The following ARHGAP28 variants were observed in gnomAD, a reference collection of about 807,000 sequenced individuals.
ARHGAP28 encodes the protein rho GTPase-activating protein 28.
A neutral mutation model predicts 90.7 loss-of-function variants in ARHGAP28; 56 were observed. The observed-to-expected ratio is 0.62, with a 90% CI of 0.50 to 0.77. The LOEUF (loss-of-function observed/expected upper bound fraction) is 0.77. Ranked by LOEUF, ARHGAP28 falls within the 30% of genes least tolerant of loss-of-function variation. The probability of loss-of-function intolerance (pLI) is 0.00; values close to 1 mark genes in which losing one functional copy is unlikely to be tolerated. For missense variants in ARHGAP28, 869 were observed against 900.9 expected (o/e 0.96, Z 0.45); for synonymous variants, 308 against 323.3 (o/e 0.95, Z 0.51).
Position 6,729,735 on chromosome 18 carries a change from CCAGCTGCTGA to C in ARHGAP28, c.-82_-73del. ...CTGGTCGCACCTCGGGCCGCGCCGC[CCAGCTGCTGA>C]CAGCCTCCCGGCGCGCCGGTCCATG... is the stretch of plus-strand genomic sequence containing the variant. On this transcript the variant is annotated 5_prime_UTR_variant, in exon 1 of 18. Coordinates refer to ENST00000383472, the MANE Select transcript of ARHGAP28 (RefSeq NM_001366230.1). The C allele has an allele frequency of 4.7e-6, 6 of 1,269,250 alleles. No homozygotes were observed. The highest frequency in any genetic ancestry group is 6.0e-6 in the Non-Finnish European group (6 of 1,004,094). The allele number at this position is 1,269,250 out of a possible 1,614,324, so 78.6% of individuals were successfully genotyped here.
In ARHGAP28 at chr18:6,868,193, G is replaced by T. The variant is rs775419249; in HGVS notation, c.770G>T (p.Gly257Val). Residue 257 changes from glycine to valine, a missense_variant, in exon 6 of 18, where the codon GGA becomes GTA. Transcript: ENST00000383472. ...CCAGTTCTACCAGTTCATTCCAATGGATCACCGGAGCCTGGACAGCCAGTT... is the reference window on the plus strand; with the variant it reads ...CCAGTTCTACCAGTTCATTCCAATGTATCACCGGAGCCTGGACAGCCAGTT... ...TIPVLPVHSN[G>V]SPEPGQPVQN... The T allele has an allele frequency of 1.2e-5, 20 of 1,613,988 alleles. No individual in the cohort carries two copies. Among genetic ancestry groups the T allele is most frequent in the Non-Finnish European group, 1.7e-5 (20 of 1,180,012 alleles).
In ARHGAP28 at chr18:6,882,279, C is replaced by T; in HGVS notation, c.1433C>T (p.Ala478Val). 1 of 1,613,270 alleles carries T rather than the reference C, an allele frequency of 6.2e-7. No homozygotes were observed. The part of the protein sequence containing the change: ...TSLFPVEYIP[A>V]FISLMERGPH... ...CTCTTCCCTGTGGAATATATACCTG[C>T]CTTCATCAGTCTAATGGAAAGTAGG... The change falls in exon 11 of 18, where the codon GCC (alanine) becomes GTC (valine). Residue 478 changes from alanine (A) to valine (V), a missense_variant. Coordinates refer to ENST00000383472, the MANE Select transcript of ARHGAP28 (RefSeq NM_001366230.1).
chr18:6,905,801 C>G (rs1039416005), intron 16 of ARHGAP28, among the ~76,000 whole-genome samples: 2 of 152,028 alleles, frequency 1.3e-5, no homozygotes, highest in Non-Finnish European at 2.9e-5. Flanking sequence ...TACAGTCACT[C>G]TAAAAATAAA....
intron 4 of ARHGAP28, among the ~76,000 whole-genome samples, chr18:6,858,145 A>T (rs1327027579): frequency 4.6e-5 from 7 of 151,048 alleles, no homozygotes; most frequent in Admixed American, 4.6e-4. Context: ...TTTAATTTAG[A>T]TCGCTTTTTT....
At chr18:6,730,027 G>C in intron 1 of ARHGAP28, 84 bp downstream of exon 1, 1 of 1,233,750 alleles carries the variant, frequency 8.1e-7, no homozygotes, top group Non-Finnish European at 1.0e-6. Context: ...GTGCCTGAGC[G>C]CACGACCGCC....
intron 2 of ARHGAP28, among the ~76,000 whole-genome samples, chr18:6,828,016 T>C (rs1600222180): frequency 6.6e-6 from 1 of 151,356 alleles, no homozygotes; most frequent in African/African-American, 2.4e-5. Context: ...GAGGTGGAGG[T>C]TGTAGCGAGC....
chr18:6,832,660 C>G (rs1285696596), intron 2 of ARHGAP28, among the ~76,000 whole-genome samples: 7 of 151,956 alleles, frequency 4.6e-5, no homozygotes. Flanking sequence ...TTCCTCAATA[C>G]TCTTAGTAAT....
chr18:6,809,848 A>C (rs967690481), intron 1 of ARHGAP28, among the ~76,000 whole-genome samples: 5 of 152,154 alleles, frequency 3.3e-5, no homozygotes, highest in African/African-American at 1.2e-4. Context: ...GTTCATTGCT[A>C]GATTTGCAGT....
intron 3 of ARHGAP28, among the ~76,000 whole-genome samples, chr18:6,839,459 A>T (rs755851318): frequency 6.6e-6 from 1 of 151,870 alleles, no homozygotes; most frequent in Non-Finnish European, 1.5e-5. Context: ...ACGCCTGGCT[A>T]ATTTTGTTTT....
At chr18:6,815,204 G>T (rs1389212580) in intron 1 of ARHGAP28, among the ~76,000 whole-genome samples, 3 of 152,178 alleles carry the variant, frequency 2.0e-5, no homozygotes, top group Non-Finnish European at 4.4e-5. Flanking sequence ...TACTTTGCCT[G>T]CAAAGCAGAC....
intron 17 of ARHGAP28, among the ~76,000 whole-genome samples, chr18:6,910,122 T>G (rs1011424683): frequency 6.6e-6 from 1 of 152,190 alleles, no homozygotes; most frequent in Non-Finnish European, 1.5e-5. Flanking sequence ...CCTCTTGTCA[T>G]GGTCACCAGA....
chr18:6,861,841 C>A (rs1203513649), intron 5 of ARHGAP28, among the ~76,000 whole-genome samples: 1 of 152,162 alleles, frequency 6.6e-6, no homozygotes, highest in African/African-American at 2.4e-5. Flanking sequence ...CACATATTGT[C>A]TACAAATAGG....
In ARHGAP28 at chr18:6,736,681, A is replaced by G. The variant is rs562245419; in HGVS notation, c.122+6738A>G. Reference sequence around the variant, plus strand: ...AGAATCACTTGAACCCAGGAGGCGGAGGTTGTGGTGAGCCAAGATCATGCC... The same window carrying G: ...AGAATCACTTGAACCCAGGAGGCGGGGGTTGTGGTGAGCCAAGATCATGCC... On this transcript the variant is annotated intron_variant, in intron 1 of 17. Transcript: ENST00000383472. 2.4e-3 allele frequency among the ~76,000 whole-genome samples: 346 copies of G among 144,070 alleles called. 3 individuals are homozygous for G. The highest frequency in any genetic ancestry group is 8.6e-3 in the African/African-American group (333 of 38,800). The allele number at this position is 144,070 out of a possible 152,430, so 94.5% of individuals were successfully genotyped here. A position where few individuals can be genotyped will look rare whatever the true frequency, so the allele number is the denominator to read the frequency against.
At chr18:6,755,552 A>G (rs1355319460) in intron 1 of ARHGAP28, among the ~76,000 whole-genome samples, 1 of 152,228 alleles carries the variant, frequency 6.6e-6, no homozygotes, top group African/African-American at 2.4e-5. Context: ...TTAAAACCAT[A>G]TGAAAACCAG....
chr18:6,824,903 T>TA lies in ARHGAP28; in HGVS notation c.267dup (p.Asp90ArgfsTer14). The TA allele has an allele frequency of 6.5e-7, 1 of 1,536,014 alleles. No homozygotes were observed. Among genetic ancestry groups the TA allele is most frequent in the Non-Finnish European group, 8.7e-7 (1 of 1,146,882 alleles). On this transcript the variant is annotated frameshift_variant, in exon 2 of 18. Coordinates refer to ENST00000383472, the MANE Select transcript of ARHGAP28 (RefSeq NM_001366230.1). LOFTEE classifies it high-confidence loss of function. ...ATTTCTGGCGGGAAATAGAAAGTAT[T>TA]AAAGACAGCAGCATGGGAGGGCAAG...
At chr18:6,853,553 A>G (rs1023905301) in intron 4 of ARHGAP28, among the ~76,000 whole-genome samples, 3 of 151,616 alleles carry the variant, frequency 2.0e-5, no homozygotes, top group African/African-American at 7.3e-5. Flanking sequence ...GCTAACTGCA[A>G]CCTCCGCCTC....
chr18:6,856,761 G>A (rs1355576727), intron 4 of ARHGAP28, among the ~76,000 whole-genome samples: 1 of 151,890 alleles, frequency 6.6e-6, no homozygotes, highest in Non-Finnish European at 1.5e-5. Flanking sequence ...ATTTTTCCTG[G>A]GCCCTGTCAG....
intron 1 of ARHGAP28, among the ~76,000 whole-genome samples, chr18:6,784,519 C>T (rs990604149): frequency 6.6e-6 from 1 of 152,234 alleles, no homozygotes; most frequent in Non-Finnish European, 1.5e-5. Context: ...CTCCTCTTAC[C>T]TCTTTCCTTA....
intron 4 of ARHGAP28, among the ~76,000 whole-genome samples, chr18:6,856,912 T>C (rs2056958485): frequency 6.6e-6 from 1 of 152,216 alleles, no homozygotes; most frequent in Non-Finnish European, 1.5e-5. Context: ...TTGAGATTCA[T>C]CCATTTGTTG....
Sources: gnomAD v4.1 joint callset for allele counts (sites outside exome capture counted in the v4.1 genomes callset) on GRCh38, gnomAD v4.1.1 for gene constraint, MANE v1.5 for transcripts, NCBI Gene and HGNC (gene_info 2026-07-23, HGNC 2026-07-21) for gene names.